NAV2: variants seen among roughly 807,000 people sequenced by gnomAD.
The protein encoded by NAV2 is neuron navigator 2.
A neutral mutation model predicts 223.2 loss-of-function variants in NAV2; 54 were observed. That is an observed-to-expected ratio of 0.24 (90% CI 0.19 to 0.30). The LOEUF (loss-of-function observed/expected upper bound fraction) is 0.30. NAV2 is among the 10% of genes least tolerant of loss of function. The pLI is 1.00. For synonymous variants in NAV2, 1,279 were observed against 1,239.3 expected, an observed-to-expected ratio of 1.03 and a Z score of -0.67; for missense variants, 2,806 against 3,147.5, an observed-to-expected ratio of 0.89 and a Z score of 2.60.
intron 1 of NAV2, among the ~76,000 whole-genome samples, chr11:19,700,892 C>T (rs763031448): frequency 2.0e-5 from 3 of 152,168 alleles, no homozygotes; most frequent in African/African-American, 4.8e-5. Flanking sequence ...GCATGTTGCC[C>T]AGCATTTGGT....
chr11:20,044,708 C>T (rs1032004546), intron 13 of NAV2, among the ~76,000 whole-genome samples: 1 of 152,170 alleles, frequency 6.6e-6, no homozygotes, highest in African/African-American at 2.4e-5. Context: ...GGTTCTTTCC[C>T]CCCAGACATA....
chr11:19,673,253 G>C (rs562121689), intron 1 of NAV2, among the ~76,000 whole-genome samples: 2 of 152,206 alleles, frequency 1.3e-5, no homozygotes, highest in African/African-American at 2.4e-5. Context: ...TGAGTTTTAT[G>C]AATATATTCA....
At chr11:19,556,895 C>G (rs373555226) in intron 1 of NAV2, among the ~76,000 whole-genome samples, 2 of 152,186 alleles carry the variant, frequency 1.3e-5, no homozygotes, top group African/African-American at 4.8e-5. Context: ...CGTCATTTTT[C>G]CTATCCAAGT....
intron 11 of NAV2, among the ~76,000 whole-genome samples, chr11:20,030,396 G>T (rs1244013832): frequency 6.6e-6 from 1 of 152,078 alleles, no homozygotes; most frequent in Non-Finnish European, 1.5e-5. Flanking sequence ...AGTTAACTAG[G>T]ATTTAATATT....
intron 3 of NAV2, among the ~76,000 whole-genome samples, chr11:19,863,553 G>C (rs1356980666): frequency 1.3e-5 from 2 of 152,090 alleles, no homozygotes; most frequent in African/African-American, 2.4e-5. Flanking sequence ...CTAGGTGCTT[G>C]GGGCTACATC....
At chr11:20,096,223 C>T (rs1467205484) in intron 30 of NAV2, among the ~76,000 whole-genome samples, 4 of 152,264 alleles carry the variant, frequency 2.6e-5, no homozygotes, top group East Asian at 1.9e-4. Flanking sequence ...ATTTGTTTTA[C>T]GAGTGACATT....
At chr11:19,994,156 T>C in intron 11 of NAV2, among the ~76,000 whole-genome samples, 1 of 152,226 alleles carries the variant, frequency 6.6e-6, no homozygotes, top group Non-Finnish European at 1.5e-5. Flanking sequence ...TGAAAGATCC[T>C]TTAGAAACAT....
At chr11:19,408,451 A>T (rs1849995997) in intron 1 of NAV2, among the ~76,000 whole-genome samples, 1 of 152,174 alleles carries the variant, frequency 6.6e-6, no homozygotes, top group African/African-American at 2.4e-5. Flanking sequence ...GGTTTCCCAT[A>T]AACTGTTTTG....
intron 1 of NAV2, among the ~76,000 whole-genome samples, chr11:19,507,714 C>A (rs1305469436): frequency 6.6e-6 from 1 of 152,192 alleles, no homozygotes; most frequent in African/African-American, 2.4e-5. Context: ...TTAATGAAAT[C>A]ATCATCATTA....
At chr11:19,911,738 T>C (rs572382830) in intron 6 of NAV2, among the ~76,000 whole-genome samples, 2 of 152,118 alleles carry the variant, frequency 1.3e-5, no homozygotes, top group Admixed American at 1.3e-4. Context: ...AATTTCTTGG[T>C]GGGGGACAGA....
intron 11 of NAV2, among the ~76,000 whole-genome samples, chr11:20,025,756 C>G (rs1459239029): frequency 1.3e-5 from 2 of 152,204 alleles, no homozygotes; most frequent in African/African-American, 4.8e-5. Flanking sequence ...GGCCTTGCAC[C>G]TGGCACCGTC....
chr11:19,799,326 C>T (rs555336911), intron 1 of NAV2, among the ~76,000 whole-genome samples: 10 of 152,178 alleles, frequency 6.6e-5, no homozygotes, highest in South Asian at 2.1e-4. Flanking sequence ...GTGAGGAGAG[C>T]GTTCCAGATT....
intron 1 of NAV2, among the ~76,000 whole-genome samples, chr11:19,548,876 CAAAAA>C (rs10709105): frequency 2.5e-5 from 2 of 78,644 alleles, no homozygotes; most frequent in African/African-American, 4.4e-5. Context: ...GGCTCCGTCT[CAAAAA>C]AAAAAAAAAA....
intron 31 of NAV2, among the ~76,000 whole-genome samples, chr11:20,099,618 C>T (rs1043419863): frequency 6.6e-6 from 1 of 152,134 alleles, no homozygotes; most frequent in Non-Finnish European, 1.5e-5. Flanking sequence ...AAAACTTATG[C>T]CTTCAAGACA....
At chr11:19,872,419 C>A (rs553283419) in intron 4 of NAV2, among the ~76,000 whole-genome samples, 1 of 152,280 alleles carries the variant, frequency 6.6e-6, no homozygotes, top group South Asian at 2.1e-4. Flanking sequence ...AAACTACCCA[C>A]ATCTGCTGAT....
intron 23 of NAV2, 23 bp downstream of exon 23, chr11:20,077,658 A>G (rs775718173): frequency 2.5e-6 from 4 of 1,576,430 alleles, no homozygotes; most frequent in Non-Finnish European, 3.5e-6. Flanking sequence ...GGATACTTTA[A>G]CCCTCCCTAC....
chr11:19,890,823 C>A (rs912525967), intron 5 of NAV2, among the ~76,000 whole-genome samples: 4 of 152,230 alleles, frequency 2.6e-5, no homozygotes, highest in Non-Finnish European at 5.9e-5. Flanking sequence ...CAAACACAGG[C>A]ACTGGCACTG....
At chr11:19,445,920 G>A (rs1397389737) in intron 1 of NAV2, among the ~76,000 whole-genome samples, 1 of 152,114 alleles carries the variant, frequency 6.6e-6, no homozygotes, top group Non-Finnish European at 1.5e-5. Flanking sequence ...GAAATACTGA[G>A]GCAGAAAGCG....
upstream of NAV2, among the ~76,000 whole-genome samples, chr11:19,708,812 A>G (rs1393110146): frequency 6.6e-6 from 1 of 152,080 alleles, no homozygotes; most frequent in Non-Finnish European, 1.5e-5. Flanking sequence ...GTTCTGAGCC[A>G]GAAGAAAAAT....
Sources: gnomAD v4.1 joint callset for allele counts (sites outside exome capture counted in the v4.1 genomes callset) on GRCh38, gnomAD v4.1.1 for gene constraint, MANE v1.5 for transcripts, NCBI Gene and HGNC (gene_info 2026-07-23, HGNC 2026-07-21) for gene names.